SEZ6: variants seen among roughly 807,000 people sequenced by gnomAD.
SEZ6 encodes seizure protein 6 homolog.
In SEZ6, 53 loss-of-function variants were observed where a neutral mutation model predicts 101.0. The observed-to-expected ratio is 0.52, with a 90% confidence interval of 0.42 to 0.66. SEZ6 has a LOEUF of 0.66. Ranked by LOEUF, SEZ6 falls within the 30% of genes least tolerant of loss-of-function variation. SEZ6 has a pLI of 0.00. For missense variants in SEZ6, 1,102 were observed against 1,289.4 expected (o/e 0.85, Z 2.23); for synonymous variants, 488 against 512.2 (o/e 0.95, Z 0.64).
chr17:28,995,573 C>T (rs570169519), intron 1 of SEZ6, among the ~76,000 whole-genome samples: 1 of 152,278 alleles, frequency 6.6e-6, no homozygotes, highest in East Asian at 1.9e-4. Context: ...GAGGCAGACC[C>T]TGGGCATCCT....
At chr17:28,999,042 T>C (rs1416529495) in intron 1 of SEZ6, among the ~76,000 whole-genome samples, 1 of 152,210 alleles carries the variant, frequency 6.6e-6, no homozygotes, top group Non-Finnish European at 1.5e-5. Flanking sequence ...GACTATGTTA[T>C]ATTCCTCCCA....
At chr17:29,000,561 T>G (rs1303782939) in intron 1 of SEZ6, among the ~76,000 whole-genome samples, 3 of 151,924 alleles carry the variant, frequency 2.0e-5, no homozygotes, top group East Asian at 3.9e-4. Flanking sequence ...CTTTTAGGAG[T>G]TGTGGACCTG....
rs2041027163 is a variant in SEZ6 at position 28,964,129 on chromosome 17, T to C, written c.1073A>G (p.His358Arg). 6.3e-7 allele frequency: 1 copy of C among 1,591,760 alleles called. No individual in the cohort carries two copies. Among genetic ancestry groups the C allele is most frequent in the African/African-American group, 1.4e-5 (1 of 73,944 alleles). Reference sequence around the variant, plus strand: ...TCCATAAGCTGGACGACGGGGAAAGTGGCAGCTCAGGAGATAGGCTGCAAA... The same window carrying C: ...TCCATAAGCTGGACGACGGGGAAAGCGGCAGCTCAGGAGATAGGCTGCAAA... Reference protein sequence around the residue: ...FHYQAYLLSCHFPRRPAYGDV... With the variant: ...FHYQAYLLSCRFPRRPAYGDV... The change falls in exon 5 of 17, where the codon CAC becomes CGC. Residue 358 changes from histidine to arginine, a missense_variant. His to Arg is a conservative substitution (Grantham distance 29). Transcript: ENST00000317338.
intron 1 of SEZ6, among the ~76,000 whole-genome samples, chr17:28,994,657 C>A (rs572855443): frequency 6.6e-6 from 1 of 151,932 alleles, no homozygotes; most frequent in Non-Finnish European, 1.5e-5. Flanking sequence ...GATCCACCTG[C>A]CTCGGCCTCC....
At chr17:29,002,170 C>G (rs761437981) in intron 1 of SEZ6, among the ~76,000 whole-genome samples, 5 of 151,378 alleles carry the variant, frequency 3.3e-5, no homozygotes, top group Non-Finnish European at 5.9e-5. Flanking sequence ...GGGGGCACAG[C>G]ATTCCTGAGC....
chr17:28,959,090 T>C lies in SEZ6; in HGVS notation c.2042A>G (p.Gln681Arg). Residue 681 changes from glutamine (Q) to arginine (R), a missense_variant, in exon 10 of 17, where the codon CAG becomes CGG. Around this residue, in one of 3 missense-constraint regions of SEZ6, gnomAD observed 556 missense variants for 735.1 expected, o/e 0.76. Coordinates refer to ENST00000317338, the MANE Select transcript of SEZ6 (RefSeq NM_178860.5). The surrounding 1 kb of genome is among the most constrained non-coding windows in gnomAD (Gnocchi z 4.4). ...LFTSMADVTI[Q>R]FQSDPGTSVL... ...TGAGGTCCCGGGGTCCGACTGGAAC[T>C]GAATGGTGACATCAGCCATGGAGGT... is the stretch of plus-strand genomic sequence containing the variant. The C allele has an allele frequency of 6.2e-7, 1 of 1,614,032 alleles. No individual in the cohort carries two copies. The highest frequency in any genetic ancestry group is 8.5e-7 in the Non-Finnish European group (1 of 1,179,890).
At chr17:28,957,782 C>T in intron 11 of SEZ6, 165 bp downstream of exon 11, 1 of 924,948 alleles carries the variant, frequency 1.1e-6, no homozygotes, top group Non-Finnish European at 1.6e-6. Flanking sequence ...CTGATAACCC[C>T]ATGAAAAGTA....
chr17:28,972,397 C>G (rs574489518), intron 3 of SEZ6, among the ~76,000 whole-genome samples: 3 of 152,312 alleles, frequency 2.0e-5, no homozygotes, highest in African/African-American at 7.2e-5. Flanking sequence ...ATGGCTGCTG[C>G]GAGGCTCAGG....
chr17:28,959,948 G>A lies in SEZ6; in HGVS notation c.1577-56C>T. The A allele has an allele frequency of 1.3e-6, 2 of 1,535,488 alleles. No individual in the cohort carries two copies. The highest frequency in any genetic ancestry group is 1.8e-6 in the Non-Finnish European group (2 of 1,133,592). ...CCTTGACTGGTATTAAACACAGTGGGCAAGCATCCCCCTACTTCCCTCCCC... is the reference window on the plus strand; with the variant it reads ...CCTTGACTGGTATTAAACACAGTGGACAAGCATCCCCCTACTTCCCTCCCC... On this transcript the variant is annotated intron_variant, in intron 7 of 16. Transcript: ENST00000317338. This position sits in a 1 kb window ranked among gnomAD's most constrained non-coding sequence, Gnocchi z 4.4.
Position 28,981,633 on chromosome 17 carries a change from G to A in SEZ6, c.462C>T (p.Pro154=), listed in dbSNP as rs1008424176. The part of the protein sequence containing the change: ...SESPMLRITA[P]LPPGPSMAVP... ...CTGCCATGCTGGGCCCTGGAGGTAG[G>A]GGAGCTGTGATTCGAAGCATAGGGG... Residue 154 remains proline (P), a synonymous_variant, in exon 2 of 17, where the codon CCC becomes CCT. Transcript: ENST00000317338. 6.3e-7 allele frequency: 1 copy of A among 1,585,152 alleles called. No individual in the cohort carries two copies. The highest frequency in any genetic ancestry group is 1.7e-5 in the Admixed American group (1 of 58,064).
chr17:28,969,752 C>T lies in SEZ6; in HGVS notation c.1054+5G>A. 6.7e-7 allele frequency: 1 copy of T among 1,485,916 alleles called. No homozygotes were observed. The highest frequency in any genetic ancestry group is 8.9e-7 in the Non-Finnish European group (1 of 1,125,292). 92.0% of individuals were successfully genotyped at this position (1,485,916 alleles called of 1,614,324 possible). ...TGGTTCCACCTTCAACTACCCAGGC[C>T]TTACCTTGGTAATGGAAATGGAAGG... On this transcript the variant is annotated splice_donor_5th_base_variant and intron_variant, in intron 4 of 16. Coordinates refer to ENST00000317338, the MANE Select transcript of SEZ6 (RefSeq NM_178860.5).
intron 1 of SEZ6, among the ~76,000 whole-genome samples, chr17:29,004,172 C>T (rs929513230): frequency 1.3e-5 from 2 of 152,214 alleles, no homozygotes; most frequent in Non-Finnish European, 2.9e-5. Flanking sequence ...TCTAGTCATG[C>T]AGGGCCCTGA....
At chr17:28,967,180 A>G (rs2041083662) in intron 4 of SEZ6, among the ~76,000 whole-genome samples, 1 of 152,196 alleles carries the variant, frequency 6.6e-6, no homozygotes, top group African/African-American at 2.4e-5. Flanking sequence ...ATTGTTTGTA[A>G]TCTTGATTAA....
In SEZ6 at chr17:28,969,866, A is replaced by G; in HGVS notation, c.945T>C (p.Ser315=). The change falls in exon 4 of 17, where the codon TCT becomes TCC. Residue 315 remains serine, a synonymous_variant. Transcript: ENST00000317338. ...GGATGACTTGGCCCCGCAGCAGGAA[A>G]GACTGGTTGGCCAGGGGCAGTGGGT... ...GPDPLPLANQ[S]FLLRGQVIRS... is the part of the protein sequence containing the mutation. 2 of 1,537,506 alleles carry G rather than the reference A, an allele frequency of 1.3e-6. No individual in the cohort carries two copies. Among genetic ancestry groups the G allele is most frequent in the Non-Finnish European group, 1.7e-6 (2 of 1,151,898 alleles).
intron 1 of SEZ6, among the ~76,000 whole-genome samples, chr17:28,993,020 G>T (rs916478388): frequency 6.6e-6 from 1 of 152,050 alleles, no homozygotes; most frequent in African/African-American, 2.4e-5. Context: ...GGAGCTGGGG[G>T]CCTGGAGTGG....
At chr17:28,988,353 C>A (rs1272956452) in intron 1 of SEZ6, among the ~76,000 whole-genome samples, 1 of 152,196 alleles carries the variant, frequency 6.6e-6, no homozygotes, top group Non-Finnish European at 1.5e-5. Flanking sequence ...ATCTCTCTTC[C>A]CATTTCTCTA....
chr17:28,961,029 A>G (rs1480104233), intron 5 of SEZ6, 56 bp from the exon 6 acceptor site: 1 of 1,563,620 alleles, frequency 6.4e-7, no homozygotes, highest in Non-Finnish European at 8.7e-7. Context: ...CAGGCAGCCT[A>G]ACATGCCTTC....
In SEZ6 at chr17:28,959,452, T is replaced by A. The variant is rs1178590522; in HGVS notation, c.1792A>T (p.Thr598Ser). 1.9e-6 allele frequency: 3 copies of A among 1,613,568 alleles called. No individual in the cohort carries two copies. The highest frequency in any genetic ancestry group is 2.5e-6 in the Non-Finnish European group (3 of 1,179,854). ...ACRAVCSGEITDSAGVVLSPN... is the reference protein window; with the variant it reads ...ACRAVCSGEISDSAGVVLSPN... Reference sequence around the variant, plus strand: ...GAGAGTACCACGCCAGCCGAGTCTGTGATCTCCCCGCTGCACACGGCTGGA... The same window carrying A: ...GAGAGTACCACGCCAGCCGAGTCTGAGATCTCCCCGCTGCACACGGCTGGA... Residue 598 changes from threonine to serine, a missense_variant, in exon 9 of 17, where the codon ACA becomes TCA. By Grantham distance (58) the Thr-to-Ser change is moderately conservative. Coordinates refer to ENST00000317338, the MANE Select transcript of SEZ6 (RefSeq NM_178860.5). The surrounding 1 kb of genome is among the most constrained non-coding windows in gnomAD (Gnocchi z 4.4).
chr17:28,963,680 C>G (rs2041020573), intron 5 of SEZ6, among the ~76,000 whole-genome samples: 1 of 152,228 alleles, frequency 6.6e-6, no homozygotes, highest in South Asian at 2.1e-4. Flanking sequence ...ACTTCTTCCC[C>G]TGGAAATTGG....
Sources: gnomAD v4.1 joint callset for allele counts (sites outside exome capture counted in the v4.1 genomes callset) on GRCh38, gnomAD v4.1.1 for gene constraint, gnomAD v4.1.1 regional missense constraint, Gnocchi (gnomAD v3.1) non-coding constraint, MANE v1.5 for transcripts, NCBI Gene and HGNC (gene_info 2026-07-23, HGNC 2026-07-21) for gene names.